ITPR2: variants seen among roughly 807,000 people sequenced by gnomAD.
The protein encoded by ITPR2 is inositol 1,4,5-trisphosphate-gated calcium channel ITPR2.
Under a neutral mutation model 317.1 loss-of-function variants are expected in ITPR2, and 207 were observed. The observed-to-expected ratio is 0.65, with a 90% CI of 0.58 to 0.73. The LOEUF (loss-of-function observed/expected upper bound fraction) is 0.73. ITPR2 is among the 30% of genes least tolerant of loss of function. The pLI is 0.00. For missense variants in ITPR2, 2,613 were observed against 3,284.0 expected, an observed-to-expected ratio of 0.80 and a Z score of 4.99; for synonymous variants, 1,156 against 1,149.1, an observed-to-expected ratio of 1.01 and a Z score of -0.12.
At chr12:26,787,633 C>T (rs993348149) in intron 2 of ITPR2, among the ~76,000 whole-genome samples, 5 of 152,198 alleles carry the variant, frequency 3.3e-5, no homozygotes, top group African/African-American at 1.2e-4. Context: ...TTAATTCTTC[C>T]TGACCAACAG....
chr12:26,390,207 C>T (rs1939789511), intron 54 of ITPR2, among the ~76,000 whole-genome samples: 1 of 152,154 alleles, frequency 6.6e-6, no homozygotes, highest in Admixed American at 6.5e-5. Context: ...TTGGCAATTC[C>T]TCAAATGGTT....
intron 22 of ITPR2, among the ~76,000 whole-genome samples, chr12:26,631,283 C>T (rs911680982): frequency 2.0e-5 from 3 of 152,112 alleles, no homozygotes. Context: ...AATTTATCTC[C>T]TTTAAATTCT....
intron 55 of ITPR2, among the ~76,000 whole-genome samples, chr12:26,349,439 A>C (rs959846641): frequency 6.6e-6 from 1 of 152,354 alleles, no homozygotes; most frequent in South Asian, 2.1e-4. Context: ...GAAATTTGAA[A>C]TGTGTTAGTT....
At chr12:26,478,586 A>G (rs1321895223) in intron 43 of ITPR2, among the ~76,000 whole-genome samples, 1 of 152,146 alleles carries the variant, frequency 6.6e-6, no homozygotes, top group Non-Finnish European at 1.5e-5. Flanking sequence ...TTTCTAGCCA[A>G]TCTTCTTTTC....
chr12:26,377,221 T>C (rs1939373566), intron 55 of ITPR2, among the ~76,000 whole-genome samples: 1 of 152,102 alleles, frequency 6.6e-6, no homozygotes, highest in Admixed American at 6.5e-5. Context: ...AAGCCTCCCT[T>C]CCCAAGCCCT....
intron 26 of ITPR2, among the ~76,000 whole-genome samples, chr12:26,614,608 C>A (rs2136783896): frequency 6.6e-6 from 1 of 152,216 alleles, no homozygotes; most frequent in African/African-American, 2.4e-5. Flanking sequence ...ATACAAGGGA[C>A]TATTATTCAG....
chr12:26,385,741 T>G (rs1939646088), intron 55 of ITPR2, among the ~76,000 whole-genome samples: 1 of 152,126 alleles, frequency 6.6e-6, no homozygotes, highest in Non-Finnish European at 1.5e-5. Context: ...GGCTACTCCC[T>G]CTTATAGACA....
At chr12:26,752,679 T>C (rs1430919953) in intron 2 of ITPR2, among the ~76,000 whole-genome samples, 5 of 152,210 alleles carry the variant, frequency 3.3e-5, no homozygotes, top group Non-Finnish European at 7.3e-5. Flanking sequence ...TTTATGCCTT[T>C]ACTTTCTTTA....
Position 26,832,739 on chromosome 12 carries a change from C to T in ITPR2, c.43G>A (p.Val15Met), listed in dbSNP as rs1182115304. ...MSSFLYIGDI[V>M]SLYAEGSVNG... The stretch of plus-strand genomic sequence containing the variant: ...ACCGAGCCCTCCGCGTACAGGGACA[C>T]GATGTCCCCTATGTAGAGGAAGCTG... Residue 15 changes from valine (V) to methionine (M), a missense_variant, in exon 1 of 57, where the codon GTG becomes ATG. Val to Met is a conservative substitution (Grantham distance 21). Transcript: ENST00000381340. The T allele has an allele frequency of 5.6e-6, 9 of 1,602,504 alleles. No individual in the cohort carries two copies. The highest frequency in any genetic ancestry group is 2.3e-5 in the East Asian group (1 of 43,316).
In ITPR2 at chr12:26,475,303, GC is replaced by G. The variant is rs1392448016; in HGVS notation, c.6334del (p.Ala2112ProfsTer28). The G allele has an allele frequency of 6.2e-7, 1 of 1,613,648 alleles. No individual in the cohort carries two copies. The highest frequency in any genetic ancestry group is 1.3e-5 in the African/African-American group (1 of 74,836). ...AGATATAAAATGTGACACCTGATGGGCCAGAATATAGATATTGTGTCCAACA... is the reference window on the plus strand; with the variant it reads ...AGATATAAAATGTGACACCTGATGGGCAGAATATAGATATTGTGTCCAACA... ...KDVGHNIYIL[A>X]HQLARHNKLL... On this transcript the variant is annotated frameshift_variant, in exon 45 of 57. Transcript: ENST00000381340. LOFTEE classifies it high-confidence loss of function.
At chr12:26,817,384 T>C (rs748369792) in intron 1 of ITPR2, among the ~76,000 whole-genome samples, 17 of 152,140 alleles carry the variant, frequency 1.1e-4, no homozygotes, top group East Asian at 1.9e-4. Context: ...AAAGCCTCAA[T>C]AGCAGTGGTG....
chr12:26,631,950 G>A lies in ITPR2; in HGVS notation c.2850C>T (p.Ile950=), dbSNP rs1324886521. The A allele has an allele frequency of 1.2e-6, 2 of 1,613,874 alleles. No homozygotes were observed. The highest frequency in any genetic ancestry group is 3.3e-5 in the Admixed American group (2 of 59,990). Reference sequence around the variant, plus strand: ...TGGGGCTCCCTTGCTTGCTCGGGTGGATGCTGGGTGGCACATCCGGCACGC... The same window carrying A: ...TGGGGCTCCCTTGCTTGCTCGGGTGAATGCTGGGTGGCACATCCGGCACGC... ...PMSVPDVPPS[I]HPSKQGSPTE... is the part of the protein sequence containing the mutation. The change falls in exon 22 of 57, where the codon ATC becomes ATT. Residue 950 remains isoleucine, a synonymous_variant. Transcript: ENST00000381340.
rs114922698 is a variant in ITPR2 at position 26,436,475 on chromosome 12, A to G, written c.6644-129T>C. Reference sequence around the variant, plus strand: ...AACTATTATAAAAACCTATTTAAATAAATATTTGACTTGAGTAAGTTTATT... The same window carrying G: ...AACTATTATAAAAACCTATTTAAATGAATATTTGACTTGAGTAAGTTTATT... On this transcript the variant is annotated intron_variant, in intron 47 of 56. Transcript: ENST00000381340. 3.8e-4 allele frequency: 292 copies of G among 773,780 alleles called. 1 individual carries two copies. In the African/African-American group the frequency reaches 4.7e-3, roughly 12 times the overall value. 47.9% of individuals were successfully genotyped at this position (773,780 alleles called of 1,614,324 possible).
At chr12:26,535,468 A>G (rs1294180085) in intron 37 of ITPR2, among the ~76,000 whole-genome samples, 1 of 152,234 alleles carries the variant, frequency 6.6e-6, no homozygotes, top group Non-Finnish European at 1.5e-5. Context: ...ATTAGAAATT[A>G]AGATGCATCA....
chr12:26,450,414 G>C (rs567248671), intron 45 of ITPR2, among the ~76,000 whole-genome samples: 1 of 150,164 alleles, frequency 6.7e-6, no homozygotes, highest in South Asian at 2.1e-4. Context: ...GGTGCCATCT[G>C]TCCAGGGTTC....
intron 2 of ITPR2, among the ~76,000 whole-genome samples, chr12:26,759,767 T>C (rs1244365543): frequency 6.6e-6 from 1 of 152,202 alleles, no homozygotes; most frequent in Non-Finnish European, 1.5e-5. Context: ...AAGCTTCTAG[T>C]GATTAGTGAC....
At chr12:26,652,671 C>A (rs1181005739) in intron 21 of ITPR2, among the ~76,000 whole-genome samples, 1 of 152,166 alleles carries the variant, frequency 6.6e-6, no homozygotes, top group Non-Finnish European at 1.5e-5. Flanking sequence ...TAGCTAATAG[C>A]TGGCTGATAC....
intron 2 of ITPR2, among the ~76,000 whole-genome samples, chr12:26,770,519 T>G (rs1949820706): frequency 6.6e-6 from 1 of 152,212 alleles, no homozygotes; most frequent in Admixed American, 6.5e-5. Flanking sequence ...AAAGGCAGTA[T>G]AGTTGGTAGC....
At chr12:26,408,254 TGA>T (rs1940421489) in intron 52 of ITPR2, among the ~76,000 whole-genome samples, 1 of 152,182 alleles carries the variant, frequency 6.6e-6, no homozygotes, top group Non-Finnish European at 1.5e-5. Flanking sequence ...TATAACTATG[TGA>T]AAAAATGAAT....
Sources: gnomAD v4.1 joint callset for allele counts (sites outside exome capture counted in the v4.1 genomes callset) on GRCh38, gnomAD v4.1.1 for gene constraint, MANE v1.5 for transcripts, NCBI Gene and HGNC (gene_info 2026-07-23, HGNC 2026-07-21) for gene names.